The following IPO8 variants were observed in gnomAD, a reference collection of about 807,000 sequenced individuals.
The protein encoded by IPO8 is importin-8.
In IPO8, 65 loss-of-function variants were observed where a neutral mutation model predicts 141.2. That is an observed-to-expected ratio of 0.46 (90% CI 0.38 to 0.57). The LOEUF (loss-of-function observed/expected upper bound fraction) is 0.57, where lower values mean the gene tolerates loss of function less well. Ranked by LOEUF, IPO8 falls within the 20% of genes least tolerant of loss-of-function variation. IPO8 has a pLI of 0.00. For missense variants in IPO8, 980 were observed against 1,246.8 expected (o/e 0.79, Z 3.22); for synonymous variants, 411 against 420.3 (o/e 0.98, Z 0.27).
intron 17 of IPO8, among the ~76,000 whole-genome samples, chr12:30,653,455 G>A (rs1215492502): frequency 6.6e-6 from 1 of 151,972 alleles, no homozygotes; most frequent in Non-Finnish European, 1.5e-5. Context: ...GATTTAAAAT[G>A]TACAAATAAT....
intron 21 of IPO8, among the ~76,000 whole-genome samples, chr12:30,637,656 T>C (rs556218576): frequency 5.4e-4 from 82 of 152,278 alleles, no homozygotes; most frequent in African/African-American, 1.9e-3. Flanking sequence ...TCTAGTAAGA[T>C]AGTAAGCTGA....
At position 30,637,124 on chromosome 12, in the gene IPO8, A is replaced by T; in HGVS notation, c.2553T>A (p.Pro851=). The T allele has an allele frequency of 6.2e-7, 1 of 1,614,006 alleles. No individual in the cohort carries two copies. Among genetic ancestry groups the T allele is most frequent in the Non-Finnish European group, 8.5e-7 (1 of 1,179,954 alleles). ...LSILLELQNR[P]PAVDAVVGQI... ...GTCCCACCACAGCATCTACTGCAGGAGGTCGATTTTGCAATTCCAAAAGGA... is the reference window on the plus strand; with the variant it reads ...GTCCCACCACAGCATCTACTGCAGGTGGTCGATTTTGCAATTCCAAAAGGA... The change falls in exon 22 of 25, where the codon CCT becomes CCA. Residue 851 remains proline (P), a synonymous_variant. Transcript: ENST00000256079.
At chr12:30,653,119 A>T in intron 17 of IPO8, 27 bp from the exon 18 acceptor site, 1 of 1,597,556 alleles carries the variant, frequency 6.3e-7, no homozygotes. Flanking sequence ...CTCTAGTTAG[A>T]ATGCTAGGAA....
chr12:30,679,330 T>C (rs747756317), intron 5 of IPO8, among the ~76,000 whole-genome samples: 3 of 152,184 alleles, frequency 2.0e-5, no homozygotes, highest in Non-Finnish European at 2.9e-5. Flanking sequence ...TTAGCAAGTA[T>C]AGACTGAGAA....
At chr12:30,694,685 T>C (rs2053320589) in intron 1 of IPO8, among the ~76,000 whole-genome samples, 1 of 152,202 alleles carries the variant, frequency 6.6e-6, no homozygotes, top group Non-Finnish European at 1.5e-5. Flanking sequence ...GGGCAACGCT[T>C]TGAGAACAGC....
intron 20 of IPO8, among the ~76,000 whole-genome samples, chr12:30,643,846 A>G (rs1187510275): frequency 6.6e-6 from 1 of 152,224 alleles, no homozygotes; most frequent in Non-Finnish European, 1.5e-5. Context: ...AGTCTTTGGC[A>G]TGGATTTATT....
chr12:30,690,663 G>A (rs1181737070), intron 1 of IPO8, 86 bp from the exon 2 acceptor site: 3 of 636,436 alleles, frequency 4.7e-6, no homozygotes, highest in South Asian at 5.2e-5. Flanking sequence ...ATACATTACT[G>A]TCCAAATAAA....
intron 5 of IPO8, among the ~76,000 whole-genome samples, chr12:30,680,090 A>G (rs888054662): frequency 6.6e-6 from 1 of 151,280 alleles, no homozygotes; most frequent in African/African-American, 2.5e-5. Flanking sequence ...TGATTTCCCA[A>G]TAGAAGAGGG....
intron 17 of IPO8, among the ~76,000 whole-genome samples, chr12:30,653,830 C>A (rs2052759617): frequency 6.6e-6 from 1 of 151,976 alleles, no homozygotes; most frequent in Non-Finnish European, 1.5e-5. Context: ...ACCCTGGAAA[C>A]TTGATTAAGG....
chr12:30,680,608 A>G lies in IPO8; in HGVS notation c.513T>C (p.Leu171=), dbSNP rs766198374. 3.1e-5 allele frequency: 50 copies of G among 1,611,932 alleles called. No homozygotes were observed. Among genetic ancestry groups the G allele is most frequent in the Non-Finnish European group, 4.2e-5 (50 of 1,179,204 alleles). Residue 171 remains leucine, a synonymous_variant, in exon 5 of 25, where the codon CTT becomes CTC. Coordinates refer to ENST00000256079, the MANE Select transcript of IPO8 (RefSeq NM_006390.4). The stretch of plus-strand genomic sequence containing the variant: ...GCAGGAATATCTGCATTGCTATTAT[A>G]AGAGGTTCTCTCTCTTCTGCTTTCT... ...EYKKAEEREP[L]IIAMQIFLPR...
chr12:30,657,051 A>C (rs1157945637), intron 16 of IPO8, among the ~76,000 whole-genome samples: 7 of 152,144 alleles, frequency 4.6e-5, no homozygotes, highest in Non-Finnish European at 8.8e-5. Context: ...AAATAGAATA[A>C]AAAGAATTAT....
At chr12:30,681,921 G>T in intron 3 of IPO8, 104 bp from the exon 4 acceptor site, 1 of 926,862 alleles carries the variant, frequency 1.1e-6, no homozygotes, top group Non-Finnish European at 1.6e-6. Flanking sequence ...CTATTTACGT[G>T]TATTATATAC....
chr12:30,683,897 G>A (rs1349209828), intron 3 of IPO8, among the ~76,000 whole-genome samples: 1 of 151,972 alleles, frequency 6.6e-6, no homozygotes, highest in Non-Finnish European at 1.5e-5. Flanking sequence ...AAAAATACAG[G>A]GAAAGATTAA....
chr12:30,676,414 G>A, intron 6 of IPO8, 84 bp downstream of exon 6: 1 of 637,502 alleles, frequency 1.6e-6, no homozygotes, highest in Non-Finnish European at 2.6e-6. Flanking sequence ...TTTTTTCAAA[G>A]AGCAGTCAGG....
chr12:30,637,126 G>A lies in IPO8; in HGVS notation c.2551C>T (p.Pro851Ser). Residue 851 changes from proline (P) to serine (S), a missense_variant, in exon 22 of 25, where the codon CCT (proline) becomes TCT (serine). Physicochemically the swap from Pro to Ser is moderately conservative, Grantham distance 74. Transcript: ENST00000256079. ...CCCACCACAGCATCTACTGCAGGAG[G>A]TCGATTTTGCAATTCCAAAAGGATA... ...LSILLELQNR[P>S]PAVDAVVGQI... 2 of 1,613,842 alleles carry A rather than the reference G, an allele frequency of 1.2e-6. No homozygotes were observed. The highest frequency in any genetic ancestry group is 1.7e-6 in the Non-Finnish European group (2 of 1,179,946).
At chr12:30,654,756 G>A (rs2052775898) in intron 17 of IPO8, among the ~76,000 whole-genome samples, 2 of 152,054 alleles carry the variant, frequency 1.3e-5, no homozygotes, top group East Asian at 1.9e-4. Flanking sequence ...CTCTTGGTGA[G>A]AGAGTAAAAA....
chr12:30,680,705 A>T (rs2053180396), intron 4 of IPO8, 67 bp from the exon 5 acceptor site: 2 of 1,301,592 alleles, frequency 1.5e-6, no homozygotes, highest in Non-Finnish European at 2.1e-6. Flanking sequence ...ACAATAAATT[A>T]TAAAATATTT....
At chr12:30,631,014 A>G in intron 24 of IPO8, 57 bp from the exon 25 acceptor site, 1 of 1,355,564 alleles carries the variant, frequency 7.4e-7, no homozygotes, top group East Asian at 2.3e-5. Context: ...TAAGGTGACA[A>G]AGTTGGAGAT....
chr12:30,684,527 T>G (rs1317487886), intron 2 of IPO8, 70 bp from the exon 3 acceptor site: 1 of 1,482,952 alleles, frequency 6.7e-7, no homozygotes, highest in African/African-American at 1.4e-5. Context: ...TTACAGAGCA[T>G]GAAAGTCCAA....
Sources: gnomAD v4.1 joint callset for allele counts (sites outside exome capture counted in the v4.1 genomes callset) on GRCh38, gnomAD v4.1.1 for gene constraint, MANE v1.5 for transcripts, NCBI Gene and HGNC (gene_info 2026-07-23, HGNC 2026-07-21) for gene names.